SCARA3: variants seen among roughly 807,000 people sequenced by gnomAD.
SCARA3 encodes scavenger receptor class A member 3.
In SCARA3, 39 loss-of-function variants were observed where a neutral mutation model predicts 47.0. That is an observed-to-expected ratio of 0.83 (90% CI 0.64 to 1.08). SCARA3 has a LOEUF of 1.08. SCARA3 is among the 50% of genes least tolerant of loss of function. The probability of loss-of-function intolerance (pLI) is 0.00; values close to 1 mark genes in which losing one functional copy is unlikely to be tolerated. For synonymous variants in SCARA3, 356 were observed against 334.1 expected, an observed-to-expected ratio of 1.07 and a Z score of -0.71; for missense variants, 724 against 792.3, an observed-to-expected ratio of 0.91 and a Z score of 1.04.
intron 1 of SCARA3, among the ~76,000 whole-genome samples, chr8:27,640,927 G>A (rs139714457): frequency 6.6e-6 from 1 of 152,128 alleles, no homozygotes; most frequent in Non-Finnish European, 1.5e-5. Flanking sequence ...AAACTCTTGG[G>A]CTCAAGTGAT....
chr8:27,717,407 G>A, the SCARA3 span, among the ~76,000 whole-genome samples: 1 of 152,332 alleles, frequency 6.6e-6, no homozygotes, highest in Non-Finnish European at 1.5e-5. Flanking sequence ...TGGGAGAATG[G>A]AAGGAGTCAG....
At chr8:27,647,537 G>A (rs986427207) in intron 1 of SCARA3, among the ~76,000 whole-genome samples, 1 of 152,062 alleles carries the variant, frequency 6.6e-6, no homozygotes, top group East Asian at 1.9e-4. Flanking sequence ...TCTCTGTGCC[G>A]GCTCTCTGTG....
chr8:27,692,629 C>G, the SCARA3 span, among the ~76,000 whole-genome samples: 1 of 152,066 alleles, frequency 6.6e-6, no homozygotes, highest in South Asian at 2.1e-4. Flanking sequence ...TTTCCCTGAT[C>G]CAGGAGAGAA....
downstream of SCARA3, among the ~76,000 whole-genome samples, chr8:27,678,016 CAT>C (rs1396548006): frequency 2.6e-5 from 4 of 152,024 alleles, no homozygotes; most frequent in Admixed American, 6.6e-5. Context: ...GAAAACATAA[CAT>C]ATGAAATTTG....
Position 27,672,799 on chromosome 8 carries a change from C to G in SCARA3, c.*1448C>G. 1 of 985,654 alleles carries G rather than the reference C, an allele frequency of 1.0e-6. No homozygotes were observed. Among genetic ancestry groups the G allele is most frequent in the Non-Finnish European group, 1.2e-6 (1 of 830,124 alleles). The allele number at this position is 985,654 out of a possible 1,614,324, so 61.1% of individuals were successfully genotyped here. A position where few individuals can be genotyped will look rare whatever the true frequency, so the allele number is the denominator to read the frequency against. On this transcript the variant is annotated 3_prime_UTR_variant, in exon 6 of 6. Coordinates refer to ENST00000301904, the MANE Select transcript of SCARA3 (RefSeq NM_016240.3). ...GTTCAAACAGATTCAGGCACCACCCCCTCCACCGCCCGCAAGGTTAGGGCA... is the reference window on the plus strand; with the variant it reads ...GTTCAAACAGATTCAGGCACCACCCGCTCCACCGCCCGCAAGGTTAGGGCA...
chr8:27,714,193 CTTT>C, the SCARA3 span, among the ~76,000 whole-genome samples: 7 of 114,112 alleles, frequency 6.1e-5, no homozygotes, highest in Non-Finnish European at 8.7e-5. Flanking sequence ...TCAGGTATTC[CTTT>C]TTTTTTTTTT....
intron 1 of SCARA3, among the ~76,000 whole-genome samples, chr8:27,642,837 A>AAAAAG (rs1385534794): frequency 6.6e-6 from 1 of 152,112 alleles, no homozygotes; most frequent in African/African-American, 2.4e-5. Flanking sequence ...AAAGAAACAA[A>AAAAAG]AAAAGAAAAG....
At chr8:27,670,765 C>G (rs1025588271) in intron 5 of SCARA3, 135 bp from the exon 6 acceptor site, 17 of 685,702 alleles carry the variant, frequency 2.5e-5, no homozygotes, top group African/African-American at 3.7e-5. Context: ...TATCGGCAAG[C>G]CTTGCAGTGA....
At chr8:27,648,072 G>C (rs1801545815) in intron 1 of SCARA3, among the ~76,000 whole-genome samples, 1 of 152,226 alleles carries the variant, frequency 6.6e-6, no homozygotes, top group Admixed American at 6.5e-5. Flanking sequence ...GCAGAAGCAA[G>C]GTTTCTTAGC....
At chr8:27,638,808 G>A (rs1272119967) in intron 1 of SCARA3, among the ~76,000 whole-genome samples, 1 of 152,206 alleles carries the variant, frequency 6.6e-6, no homozygotes, top group Non-Finnish European at 1.5e-5. Context: ...ACAGTGATAA[G>A]TGTCTTAAGG....
downstream of SCARA3, among the ~76,000 whole-genome samples, chr8:27,677,613 C>A (rs1802298514): frequency 6.6e-6 from 1 of 152,178 alleles, no homozygotes; most frequent in Non-Finnish European, 1.5e-5. Context: ...GCTAAAAAAG[C>A]AGCATCTCTC....
At chr8:27,730,424 C>G in the SCARA3 span, among the ~76,000 whole-genome samples, 1 of 152,030 alleles carries the variant, frequency 6.6e-6, no homozygotes, top group Admixed American at 6.6e-5. Flanking sequence ...CTGCTTCCGC[C>G]AGGCCTAGAA....
chr8:27,677,628 A>G (rs537867519), downstream of SCARA3, among the ~76,000 whole-genome samples: 1 of 152,374 alleles, frequency 6.6e-6, no homozygotes, highest in South Asian at 2.1e-4. Context: ...TCTCTCTCTC[A>G]ATAATTGATA....
chr8:27,693,597 A>G, the SCARA3 span, among the ~76,000 whole-genome samples: 1 of 152,174 alleles, frequency 6.6e-6, no homozygotes, highest in Non-Finnish European at 1.5e-5. Flanking sequence ...AGCCAAGGGC[A>G]TTCCAGAATT....
intron 5 of SCARA3, among the ~76,000 whole-genome samples, chr8:27,660,206 T>TGA (rs10579288): frequency 5.3e-5 from 8 of 149,912 alleles, no homozygotes; most frequent in East Asian, 2.0e-4. Context: ...CAATAGTGTA[T>TGA]GAGAGAGAGA....
chr8:27,656,013 C>T (rs931926629), intron 3 of SCARA3, among the ~76,000 whole-genome samples: 1 of 152,170 alleles, frequency 6.6e-6, no homozygotes, highest in Admixed American at 6.5e-5. Flanking sequence ...TTGATGATCC[C>T]CCTTCTGACA....
downstream of SCARA3, chr8:27,676,525 A>G: frequency 1.9e-6 from 3 of 1,605,344 alleles, no homozygotes; most frequent in Non-Finnish European, 2.6e-6. Context: ...TGAGGAACAA[A>G]CTATTAAATA....
At chr8:27,695,893 C>T in the SCARA3 span, among the ~76,000 whole-genome samples, 18 of 151,998 alleles carry the variant, frequency 1.2e-4, no homozygotes, top group South Asian at 1.7e-3. Flanking sequence ...GGGAAAATAT[C>T]GAATGTTCTA....
intron 3 of SCARA3, among the ~76,000 whole-genome samples, chr8:27,655,184 C>A (rs1013828712): frequency 2.0e-5 from 3 of 152,104 alleles, no homozygotes; most frequent in Admixed American, 2.0e-4. Context: ...TTAGAGTCAT[C>A]GAGCTCCACA....
Sources: allele counts gnomAD v4.1 joint callset (sites outside exome capture counted in the v4.1 genomes callset), GRCh38; gene constraint gnomAD v4.1.1; transcripts MANE v1.5; gene names NCBI Gene and HGNC (gene_info 2026-07-23, HGNC 2026-07-21).